Variants in FAM227B observed in about 807,000 individuals in gnomAD.
FAM227B encodes protein FAM227B.
FAM227B carries 88 observed loss-of-function variants against 73.8 expected under a neutral mutation model. The ratio of observed to expected loss-of-function variants is 1.19; its 90% CI spans 1.00 to 1.42. FAM227B has a LOEUF of 1.42. Among genes scored for constraint, FAM227B ranks in the 40% most tolerant of loss-of-function variants. The pLI, the probability that FAM227B is intolerant of heterozygous loss-of-function variation, is 0.00. For synonymous variants in FAM227B, 210 were observed against 190.5 expected (o/e 1.10, Z -0.84); for missense variants, 632 against 590.9 (o/e 1.07, Z -0.72).
chr15:49,620,364 C>T (rs532202792), intron 1 of FAM227B, among the ~76,000 whole-genome samples: 1 of 152,122 alleles, frequency 6.6e-6, no homozygotes, highest in Non-Finnish European at 1.5e-5. Flanking sequence ...AACATTTGAC[C>T]ATTGTGTTTT....
At chr15:49,454,511 A>G (rs2053082799) in intron 11 of FAM227B, among the ~76,000 whole-genome samples, 1 of 152,216 alleles carries the variant, frequency 6.6e-6, no homozygotes, top group African/African-American at 2.4e-5. Flanking sequence ...CCTACTAATG[A>G]GAAAACATTG....
At chr15:49,373,173 C>T (rs2045954613) in intron 11 of FAM227B, among the ~76,000 whole-genome samples, 1 of 151,790 alleles carries the variant, frequency 6.6e-6, no homozygotes, top group Non-Finnish European at 1.5e-5. Flanking sequence ...ACTGTACACA[C>T]AATAAAAAGT....
At chr15:49,447,502 C>T (rs1271409334) in intron 11 of FAM227B, among the ~76,000 whole-genome samples, 1 of 151,580 alleles carries the variant, frequency 6.6e-6, no homozygotes, top group Non-Finnish European at 1.5e-5. Flanking sequence ...AAGAGATTCT[C>T]AATCTTAATG....
rs555464943 is a variant in FAM227B at position 49,367,727 on chromosome 15, A to C, written c.1111-119T>G. The C allele has an allele frequency of 5.2e-6, 5 of 960,976 alleles. No homozygotes were observed. In the East Asian group the frequency reaches 1.5e-4, roughly 29 times the overall value. The allele number at this position is 960,976 out of a possible 1,614,324, so 59.5% of individuals were successfully genotyped here. ...CCATTTGATATATTAAAATAAAGGA[A>C]ATTCTACAAAGCATCTTCTTAATTA... On this transcript the variant is annotated intron_variant, in intron 12 of 15. Transcript: ENST00000299338.
intron 8 of FAM227B, among the ~76,000 whole-genome samples, chr15:49,568,819 C>A (rs1439861293): frequency 6.6e-6 from 1 of 151,848 alleles, no homozygotes; most frequent in Non-Finnish European, 1.5e-5. Context: ...TCAAAATTCA[C>A]CATAAAAGAT....
chr15:49,335,785 C>A (rs2039603901), intron 13 of FAM227B, among the ~76,000 whole-genome samples: 1 of 152,166 alleles, frequency 6.6e-6, no homozygotes, highest in Non-Finnish European at 1.5e-5. Context: ...GTTTTAAAAG[C>A]AGCAACTTGT....
intron 11 of FAM227B, among the ~76,000 whole-genome samples, chr15:49,419,900 C>T (rs1429555): frequency 0.061 from 9,219 of 152,096 alleles, 392 homozygotes; most frequent in East Asian, 0.17. Context: ...ATTATAGATA[C>T]TCATGGCACT....
intron 5 of FAM227B, among the ~76,000 whole-genome samples, chr15:49,579,114 T>G (rs2075650957): frequency 6.6e-6 from 1 of 152,162 alleles, no homozygotes; most frequent in African/African-American, 2.4e-5. Flanking sequence ...TGAAATATCA[T>G]CTTATCCAAA....
In FAM227B at chr15:49,567,963, A is replaced by C. The variant is rs542518685; in HGVS notation, c.747+282T>G. ...ATTTTGTAGGTAAACAGAAAAAAAAACAGGAACATACATAGAATGACTCAG... is the reference window on the plus strand; with the variant it reads ...ATTTTGTAGGTAAACAGAAAAAAAACCAGGAACATACATAGAATGACTCAG... On this transcript the variant is annotated intron_variant, in intron 9 of 15. Transcript: ENST00000299338. Among the ~76,000 whole-genome samples the C allele has an allele frequency of 8.9e-4, 136 of 152,212 alleles. 5 individuals are homozygous for C. In the South Asian group the frequency reaches 0.027, roughly 30 times the overall value.
At chr15:49,546,430 T>A (rs2071895065) in intron 9 of FAM227B, among the ~76,000 whole-genome samples, 1 of 152,180 alleles carries the variant, frequency 6.6e-6, no homozygotes, top group Non-Finnish European at 1.5e-5. Flanking sequence ...CGTGTGCATG[T>A]GTCTTTATAG....
intron 10 of FAM227B, among the ~76,000 whole-genome samples, chr15:49,535,255 C>A (rs1466164077): frequency 1.3e-5 from 2 of 151,320 alleles, no homozygotes; most frequent in Non-Finnish European, 3.0e-5. Context: ...ACAAGAGATA[C>A]CTCTGAAATA....
rs141756297 is a variant in FAM227B, at chr15:49,578,469, C to CATAG, written c.406-809_406-806dup. On this transcript the variant is annotated intron_variant, in intron 5 of 15. Coordinates refer to ENST00000299338, the MANE Select transcript of FAM227B (RefSeq NM_152647.3). ...AATATGTATACATACTATAGACAGACATAGATAGATAGATAGATAGATAGC... is the reference window on the plus strand; with the variant it reads ...AATATGTATACATACTATAGACAGACATAGATAGATAGATAGATAGATAGATAGC... 4.3e-3 allele frequency among the ~76,000 whole-genome samples: 649 copies of CATAG among 151,462 alleles called. 7 individuals are homozygous for CATAG. The highest frequency in any genetic ancestry group is 0.028 in the South Asian group (137 of 4,810).
chr15:49,497,649 C>T (rs1310261115), intron 11 of FAM227B, among the ~76,000 whole-genome samples: 1 of 152,176 alleles, frequency 6.6e-6, no homozygotes, highest in African/African-American at 2.4e-5. Flanking sequence ...AAACTTCTTT[C>T]TTAAGTAGAT....
At chr15:49,430,297 G>A (rs1015407001) in intron 11 of FAM227B, among the ~76,000 whole-genome samples, 1 of 151,828 alleles carries the variant, frequency 6.6e-6, no homozygotes, top group Admixed American at 6.6e-5. Context: ...AAGTGGTGTT[G>A]CAGTAGGGTA....
intron 10 of FAM227B, among the ~76,000 whole-genome samples, chr15:49,509,514 G>A (rs897054044): frequency 1.3e-5 from 2 of 151,944 alleles, no homozygotes; most frequent in Non-Finnish European, 2.9e-5. Flanking sequence ...CTGCCATCAA[G>A]GCAGACGTGA....
At chr15:49,515,768 G>C (rs889834419) in intron 10 of FAM227B, among the ~76,000 whole-genome samples, 1 of 152,124 alleles carries the variant, frequency 6.6e-6, no homozygotes, top group Non-Finnish European at 1.5e-5. Flanking sequence ...TTGTCTGTTT[G>C]TCTATCAACT....
At chr15:49,618,323 C>T (rs1423519681) in intron 1 of FAM227B, among the ~76,000 whole-genome samples, 1 of 152,078 alleles carries the variant, frequency 6.6e-6, no homozygotes. Context: ...AACCAGCAAT[C>T]CTAAATAAAC....
intron 10 of FAM227B, among the ~76,000 whole-genome samples, chr15:49,509,362 A>C (rs2058811353): frequency 6.6e-6 from 1 of 152,170 alleles, no homozygotes; most frequent in South Asian, 2.1e-4. Flanking sequence ...CAGAATATAG[A>C]AAATAAAATA....
At chr15:49,620,487 G>C (rs1225067072) in intron 1 of FAM227B, 1 of 152,164 alleles carries the variant, frequency 6.6e-6, no homozygotes, top group Non-Finnish European at 1.5e-5. Context: ...AAAACACAAA[G>C]TACTCTTAAC....
Sources: gnomAD v4.1 joint callset for allele counts (sites outside exome capture counted in the v4.1 genomes callset) on GRCh38, gnomAD v4.1.1 for gene constraint, MANE v1.5 for transcripts, NCBI Gene and HGNC (gene_info 2026-07-23, HGNC 2026-07-21) for gene names.